Variants in ATP9B observed in about 807,000 individuals in gnomAD.
The protein encoded by ATP9B is ATPase phospholipid transporting 9B.
In ATP9B, 110 loss-of-function variants were observed where a neutral mutation model predicts 146.1. The ratio of observed to expected loss-of-function variants is 0.75; its 90% CI spans 0.65 to 0.88. The LOEUF (loss-of-function observed/expected upper bound fraction) is 0.88. Among genes scored for constraint, ATP9B ranks in the 40% least tolerant of loss-of-function variants. ATP9B has a pLI of 0.00. For synonymous variants in ATP9B, 604 were observed against 569.7 expected (o/e 1.06, Z -0.86); for missense variants, 1,499 against 1,496.4 (o/e 1.00, Z -0.03).
intron 25 of ATP9B, chr18:79,353,219 T>C (rs963702071): frequency 6.6e-6 from 1 of 152,178 alleles, no homozygotes; most frequent in Non-Finnish European, 1.5e-5. Flanking sequence ...TTTTATGAAA[T>C]TAAAAATTTG....
At chr18:79,327,982 C>A (rs503131) in intron 15 of ATP9B, among the ~76,000 whole-genome samples, 2 of 9,440 alleles carry the variant, frequency 2.1e-4, no homozygotes, top group East Asian at 2.9e-3. Context: ...CGTGCTCTCT[C>A]TGGTTAGCGT....
intron 13 of ATP9B, among the ~76,000 whole-genome samples, chr18:79,297,229 T>TGACCCAGAGAGGAGACGCAGAC (rs2096557789): frequency 2.7e-5 from 3 of 109,572 alleles, no homozygotes; most frequent in Non-Finnish European, 5.3e-5. Flanking sequence ...GACAGAGAGA[T>TGACCCAGAGAGGAGACGCAGAC]GACCCAGAGA....
intron 11 of ATP9B, among the ~76,000 whole-genome samples, chr18:79,223,265 T>C (rs2095698107): frequency 6.6e-6 from 1 of 152,092 alleles, no homozygotes; most frequent in Non-Finnish European, 1.5e-5. Context: ...CTTTCTTGTT[T>C]TAAAAAAGAT....
intron 13 of ATP9B, among the ~76,000 whole-genome samples, chr18:79,303,029 G>T (rs1425110185): frequency 6.6e-6 from 1 of 152,168 alleles, no homozygotes. Flanking sequence ...GATCTGAGCT[G>T]AAAGGCAATG....
At position 79,239,428 on chromosome 18, in the gene ATP9B, A is replaced by G. The variant is rs1405479608; in HGVS notation, c.1108-13953A>G. On this transcript the variant is annotated intron_variant, in intron 11 of 29. Transcript: ENST00000426216. The surrounding 1 kb of genome is among the most constrained non-coding windows in gnomAD (Gnocchi z 5.1). ...GAGGTACACAAACCATCCTCATAAA[A>G]CCAAGCCCCAGAGTGGGTTGTGGTA... Among the ~76,000 whole-genome samples the G allele has an allele frequency of 6.6e-6, 1 of 152,138 alleles. No individual in the cohort carries two copies. Among genetic ancestry groups the G allele is most frequent in the Non-Finnish European group, 1.5e-5 (1 of 68,014 alleles).
chr18:79,284,605 C>T (rs562843941), intron 13 of ATP9B, among the ~76,000 whole-genome samples: 2 of 151,942 alleles, frequency 1.3e-5, no homozygotes, highest in South Asian at 4.2e-4. Flanking sequence ...GTTTTGTTTC[C>T]ATTTCATTTT....
At chr18:79,320,921 G>A (rs2096712318) in intron 15 of ATP9B, among the ~76,000 whole-genome samples, 2 of 152,150 alleles carry the variant, frequency 1.3e-5, no homozygotes, top group African/African-American at 2.4e-5. Flanking sequence ...GTTTTATGCG[G>A]GGAGGGAGCT....
At chr18:79,098,127 A>G (rs2074959869) in intron 2 of ATP9B, among the ~76,000 whole-genome samples, 1 of 151,764 alleles carries the variant, frequency 6.6e-6, no homozygotes, top group Non-Finnish European at 1.5e-5. Flanking sequence ...TGAGAAAAAC[A>G]AGCAATGGGG....
chr18:79,217,476 G>T (rs1004620062), intron 11 of ATP9B, among the ~76,000 whole-genome samples: 2 of 152,222 alleles, frequency 1.3e-5, no homozygotes, highest in African/African-American at 4.8e-5. Flanking sequence ...GAGCCACTGC[G>T]CCCCGCCAGA....
intron 17 of ATP9B, among the ~76,000 whole-genome samples, chr18:79,335,096 G>A (rs1051811655): frequency 1.3e-5 from 2 of 149,358 alleles, no homozygotes; most frequent in South Asian, 4.2e-4. Context: ...AAATGGCACA[G>A]AAAGCGCAGA....
intron 13 of ATP9B, among the ~76,000 whole-genome samples, chr18:79,294,997 A>C (rs1021810647): frequency 1.3e-5 from 2 of 152,190 alleles, no homozygotes; most frequent in Non-Finnish European, 2.9e-5. Context: ...CTTGCATTTA[A>C]TATCTTTCAA....
intron 12 of ATP9B, among the ~76,000 whole-genome samples, chr18:79,257,746 AC>A (rs1296389329): frequency 1.3e-5 from 2 of 152,344 alleles, no homozygotes; most frequent in Non-Finnish European, 2.9e-5. Flanking sequence ...TGTCCAGCAA[AC>A]ACATCTTTTT....
intron 15 of ATP9B, among the ~76,000 whole-genome samples, chr18:79,326,460 CCT>C (rs1568691678): frequency 5.5e-5 from 8 of 146,542 alleles, no homozygotes; most frequent in Admixed American, 6.7e-5. Flanking sequence ...CCTGCACACT[CCT>C]TCCCCTCACA....
chr18:79,113,172 A>G (rs1284916132), intron 3 of ATP9B, 69 bp from the exon 4 acceptor site: 4 of 755,958 alleles, frequency 5.3e-6, no homozygotes, highest in Admixed American at 4.7e-5. Context: ...GCAGATTTTA[A>G]TTGTTTAATT....
rs1296906143 is a variant in ATP9B at position 79,294,651 on chromosome 18, C to T, written c.1412-8953C>T. 6.6e-5 allele frequency among the ~76,000 whole-genome samples: 10 copies of T among 152,312 alleles called. No homozygotes were observed. The Middle Eastern group carries it at 0.01, about 155-fold the overall frequency. ...AAGCAGTGTAAAAAACTATGACACA[C>T]GAGACACCTGGAAATTAGAACCCTG... On this transcript the variant is annotated intron_variant, in intron 13 of 29. Coordinates refer to ENST00000426216, the MANE Select transcript of ATP9B (RefSeq NM_198531.5).
intron 6 of ATP9B, among the ~76,000 whole-genome samples, chr18:79,148,312 A>G (rs553592029): frequency 6.6e-6 from 1 of 152,346 alleles, no homozygotes; most frequent in East Asian, 1.9e-4. Context: ...GAGGTCAAGA[A>G]TATCTTTATC....
chr18:79,273,366 A>G (rs2096275664), intron 12 of ATP9B, among the ~76,000 whole-genome samples: 1 of 152,210 alleles, frequency 6.6e-6, no homozygotes, highest in East Asian at 1.9e-4. Flanking sequence ...CCTCCCTAAT[A>G]TCCCATGAAA....
intron 27 of ATP9B, 94 bp downstream of exon 27, chr18:79,372,976 C>A: frequency 1.1e-6 from 1 of 873,750 alleles, no homozygotes; most frequent in Non-Finnish European, 1.9e-6. Flanking sequence ...TAAATTCCAA[C>A]AGCTTAAAAT....
intron 17 of ATP9B, among the ~76,000 whole-genome samples, chr18:79,333,848 T>G (rs182588560): frequency 9.2e-5 from 14 of 152,350 alleles, no homozygotes; most frequent in Admixed American, 2.6e-4. Flanking sequence ...CACTGATTTC[T>G]CTGTATTGTC....
Sources: gnomAD v4.1 joint callset for allele counts (sites outside exome capture counted in the v4.1 genomes callset) on GRCh38, gnomAD v4.1.1 for gene constraint, Gnocchi (gnomAD v3.1) non-coding constraint, MANE v1.5 for transcripts, NCBI Gene and HGNC (gene_info 2026-07-23, HGNC 2026-07-21) for gene names.